ZRANB3: variants seen among roughly 807,000 people sequenced by gnomAD.
ZRANB3 encodes the protein zinc finger RANBP2-type containing 3, also known as DNA annealing helicase and endonuclease ZRANB3.
In ZRANB3, 125 loss-of-function variants were observed where a neutral mutation model predicts 133.8. The observed-to-expected ratio is 0.93, with a 90% CI of 0.81 to 1.08. The LOEUF is 1.08. Ranked by LOEUF, ZRANB3 falls within the 50% of genes least tolerant of loss-of-function variation. The probability of loss-of-function intolerance (pLI) is 0.00; values close to 1 mark genes in which losing one functional copy is unlikely to be tolerated. For synonymous variants in ZRANB3, 387 were observed against 432.7 expected, an observed-to-expected ratio of 0.89 and a Z score of 1.31; for missense variants, 1,229 against 1,275.5, an observed-to-expected ratio of 0.96 and a Z score of 0.56.
At chr2:135,480,575 C>A (rs1691737055) in intron 2 of ZRANB3, among the ~76,000 whole-genome samples, 3 of 151,690 alleles carry the variant, frequency 2.0e-5, no homozygotes, top group East Asian at 1.9e-4. Context: ...ATCCTTTTTG[C>A]AAAAGCCTTA....
rs1457681570 is a variant in ZRANB3, at chr2:135,313,523, A to G, written c.932T>C (p.Ile311Thr). 1.2e-5 allele frequency: 20 copies of G among 1,613,634 alleles called. No individual in the cohort carries two copies. The highest frequency in any genetic ancestry group is 1.7e-5 in the Non-Finnish European group (20 of 1,179,718). Residue 311 changes from isoleucine to threonine, a missense_variant, in exon 8 of 21, where the codon ATA (isoleucine) becomes ACA (threonine). Ile to Thr is a moderately conservative substitution (Grantham distance 89, BLOSUM62 -1). Transcript: ENST00000264159. ...SGAMETVMGL[I>T]TRMFKQTAIA... Reference sequence around the variant, plus strand: ...AGCAGTTTGTTTAAACATGCGAGTTATCAACCCCATGACTGTCTCCATGGC... The same window carrying G: ...AGCAGTTTGTTTAAACATGCGAGTTGTCAACCCCATGACTGTCTCCATGGC...
intron 12 of ZRANB3, among the ~76,000 whole-genome samples, chr2:135,235,852 G>C (rs1289356408): frequency 6.6e-6 from 1 of 150,748 alleles, no homozygotes; most frequent in Admixed American, 6.6e-5. Flanking sequence ...ACAAAAACTG[G>C]AAGCATTCCC....
At chr2:135,400,043 C>A (rs1687666504) in intron 2 of ZRANB3, among the ~76,000 whole-genome samples, 1 of 152,136 alleles carries the variant, frequency 6.6e-6, no homozygotes, top group Middle Eastern at 3.4e-3. Context: ...AGTTTGAGAC[C>A]AGCCTGGCCA....
chr2:135,524,075 T>C (rs1694051843), intron 1 of ZRANB3, among the ~76,000 whole-genome samples: 1 of 152,216 alleles, frequency 6.6e-6, no homozygotes. Flanking sequence ...TGTAACCATT[T>C]TGGTCGAATT....
intron 13 of ZRANB3, among the ~76,000 whole-genome samples, chr2:135,229,066 T>C (rs11892736): frequency 0.11 from 16,721 of 152,256 alleles, 1,178 homozygotes; most frequent in South Asian, 0.32. Flanking sequence ...AGCTTATTTT[T>C]ATTGCCTGTA....
At position 135,342,443 on chromosome 2, in the gene ZRANB3, T is replaced by C. The variant is rs201079893; in HGVS notation, c.677+3107A>G. 2.7e-5 allele frequency among the ~76,000 whole-genome samples: 4 copies of C among 149,998 alleles called. No individual in the cohort carries two copies. The East Asian group carries it at 5.8e-4, about 22-fold the overall frequency. On this transcript the variant is annotated intron_variant, in intron 6 of 20. Coordinates refer to ENST00000264159, the MANE Select transcript of ZRANB3 (RefSeq NM_032143.4). ...AGTCTTCCAAATAAATAACATCAGCTGTAAATAATGATAACTTTTTCTTTC... is the reference window on the plus strand; with the variant it reads ...AGTCTTCCAAATAAATAACATCAGCCGTAAATAATGATAACTTTTTCTTTC...
At chr2:135,474,349 G>A (rs1691407820) in intron 2 of ZRANB3, among the ~76,000 whole-genome samples, 1 of 152,074 alleles carries the variant, frequency 6.6e-6, no homozygotes, top group South Asian at 2.1e-4. Context: ...TCTTTCAAGG[G>A]ATTGATATAA....
intron 3 of ZRANB3, among the ~76,000 whole-genome samples, chr2:135,369,707 T>A (rs548311209): frequency 3.2e-4 from 49 of 152,260 alleles, no homozygotes; most frequent in Admixed American, 5.9e-4. Context: ...ATACCCTCAG[T>A]CTCAACCTCA....
chr2:135,512,099 A>G (rs923766568), intron 1 of ZRANB3, among the ~76,000 whole-genome samples: 1 of 152,230 alleles, frequency 6.6e-6, no homozygotes, highest in African/African-American at 2.4e-5. Context: ...TTTTAATACC[A>G]TGTTATTAAA....
At chr2:135,389,148 A>G (rs932475797) in intron 3 of ZRANB3, among the ~76,000 whole-genome samples, 5 of 152,186 alleles carry the variant, frequency 3.3e-5, no homozygotes, top group African/African-American at 1.2e-4. Context: ...TTGTTTCAAA[A>G]GAAAAATTTC....
At chr2:135,216,544 A>T (rs533358389) in intron 17 of ZRANB3, among the ~76,000 whole-genome samples, 3 of 151,682 alleles carry the variant, frequency 2.0e-5, no homozygotes, top group Non-Finnish European at 4.4e-5. Context: ...GGCTGAAGCG[A>T]TCCTCCGGCC....
At chr2:135,399,599 A>T (rs761516047) in intron 2 of ZRANB3, among the ~76,000 whole-genome samples, 3 of 152,214 alleles carry the variant, frequency 2.0e-5, no homozygotes, top group Non-Finnish European at 4.4e-5. Context: ...GATTTTCTTT[A>T]GACACTTTAA....
intron 2 of ZRANB3, among the ~76,000 whole-genome samples, chr2:135,502,229 G>GA (rs1195667520): frequency 1.3e-4 from 19 of 151,936 alleles, no homozygotes; most frequent in African/African-American, 4.6e-4. Flanking sequence ...CATGCTTTCC[G>GA]AAAAGAAAGG....
intron 6 of ZRANB3, among the ~76,000 whole-genome samples, chr2:135,326,228 AAT>A (rs986578642): frequency 3.9e-5 from 6 of 152,262 alleles, no homozygotes; most frequent in African/African-American, 1.2e-4. Context: ...TGTAAAATTA[AAT>A]ATGTTTTATG....
intron 3 of ZRANB3, among the ~76,000 whole-genome samples, chr2:135,375,633 C>T (rs1558952510): frequency 6.6e-6 from 1 of 151,400 alleles, no homozygotes; most frequent in Non-Finnish European, 1.5e-5. Context: ...TGCAGTGAGC[C>T]GAGATTGTGC....
At chr2:135,328,041 ATTTT>A (rs926214478) in intron 6 of ZRANB3, among the ~76,000 whole-genome samples, 1 of 147,474 alleles carries the variant, frequency 6.8e-6, no homozygotes, top group Admixed American at 6.8e-5. Flanking sequence ...TTGACTTTTA[ATTTT>A]TTTTTTTAGT....
chr2:135,485,642 A>C (rs1692080993), intron 2 of ZRANB3, among the ~76,000 whole-genome samples: 1 of 152,164 alleles, frequency 6.6e-6, no homozygotes, highest in Non-Finnish European at 1.5e-5. Flanking sequence ...TACCTTGGAG[A>C]TATTGCGGGT....
intron 2 of ZRANB3, among the ~76,000 whole-genome samples, chr2:135,427,401 C>T (rs1689138884): frequency 6.6e-6 from 1 of 152,108 alleles, no homozygotes; most frequent in Non-Finnish European, 1.5e-5. Flanking sequence ...AAATCAACAG[C>T]ATTTCTATAC....
chr2:135,447,092 T>C (rs1477304802), intron 2 of ZRANB3, among the ~76,000 whole-genome samples: 1 of 152,172 alleles, frequency 6.6e-6, no homozygotes. Context: ...TCACCCAGGC[T>C]GGAGTGCAGT....
Sources: gnomAD v4.1 joint callset for allele counts (sites outside exome capture counted in the v4.1 genomes callset) on GRCh38, gnomAD v4.1.1 for gene constraint, MANE v1.5 for transcripts, NCBI Gene and HGNC (gene_info 2026-07-23, HGNC 2026-07-21) for gene names.